The following SMOC1 variants were observed in gnomAD, a reference collection of about 807,000 sequenced individuals.
SMOC1 encodes SPARC related modular calcium binding 1.
Under a neutral mutation model 56.3 loss-of-function variants are expected in SMOC1, and 22 were observed. The ratio of observed to expected loss-of-function variants is 0.39; its 90% CI spans 0.28 to 0.56. The LOEUF (loss-of-function observed/expected upper bound fraction) is 0.56. Among genes scored for constraint, SMOC1 ranks in the 20% least tolerant of loss-of-function variants. The pLI, the probability that SMOC1 is intolerant of heterozygous loss-of-function variation, is 0.61. For missense variants in SMOC1, 509 were observed against 565.4 expected, an observed-to-expected ratio of 0.90 and a Z score of 1.01; for synonymous variants, 193 against 215.0, an observed-to-expected ratio of 0.90 and a Z score of 0.89.
chr14:69,945,344 A>T (rs1882741800), intron 1 of SMOC1, among the ~76,000 whole-genome samples: 1 of 152,198 alleles, frequency 6.6e-6, no homozygotes, highest in African/African-American at 2.4e-5. Context: ...GCTTTTTAGG[A>T]TGATAACCTC....
At chr14:69,949,826 G>A (rs1457085699) in intron 1 of SMOC1, among the ~76,000 whole-genome samples, 7 of 152,154 alleles carry the variant, frequency 4.6e-5, no homozygotes, top group Admixed American at 2.0e-4. Flanking sequence ...CCGGGGAGAC[G>A]ATGTAAGGGT....
At chr14:69,988,382 G>A (rs1046629422) in intron 5 of SMOC1, among the ~76,000 whole-genome samples, 4 of 151,420 alleles carry the variant, frequency 2.6e-5, no homozygotes, top group African/African-American at 7.3e-5. Context: ...AAAGAATCAC[G>A]AAGAATATAC....
At chr14:69,978,137 C>T (rs1236005088) in intron 5 of SMOC1, 172 bp downstream of exon 5, 9 of 684,386 alleles carry the variant, frequency 1.3e-5, no homozygotes, top group Non-Finnish European at 2.1e-5. Flanking sequence ...AAGTAAGGCT[C>T]ATACAGTGAT....
intron 1 of SMOC1, among the ~76,000 whole-genome samples, chr14:69,902,056 A>G (rs1884255623): frequency 6.6e-6 from 1 of 152,180 alleles, no homozygotes; most frequent in Non-Finnish European, 1.5e-5. Flanking sequence ...TGATCAGTGT[A>G]TGCCCTCCTC....
intron 1 of SMOC1, among the ~76,000 whole-genome samples, chr14:69,899,747 A>G (rs1884193241): frequency 6.6e-6 from 1 of 152,180 alleles, no homozygotes; most frequent in Non-Finnish European, 1.5e-5. Context: ...GTGCCCTTGC[A>G]GTTTTTGACC....
chr14:69,959,445 T>TTA (rs1883294985), intron 3 of SMOC1, among the ~76,000 whole-genome samples: 1 of 152,230 alleles, frequency 6.6e-6, no homozygotes, highest in Non-Finnish European at 1.5e-5. Context: ...TGTAGACAGA[T>TTA]TATAGTTCTA....
At chr14:69,916,951 A>G (rs1884701895) in intron 1 of SMOC1, among the ~76,000 whole-genome samples, 1 of 152,236 alleles carries the variant, frequency 6.6e-6, no homozygotes, top group African/African-American at 2.4e-5. Flanking sequence ...ACATGCTGGA[A>G]GCATGCTGAG....
At position 69,954,039 on chromosome 14, in the gene SMOC1, G is replaced by T. The variant is rs1490242507; in HGVS notation, c.378+507G>T. On this transcript the variant is annotated intron_variant, in intron 3 of 11. Coordinates refer to ENST00000361956, the MANE Select transcript of SMOC1 (RefSeq NM_001034852.3). ...TGTGTGTGTGTGTATACACATACAG[G>T]TATGCATATACTCAGATTTTAAAAC... 5.3e-5 allele frequency among the ~76,000 whole-genome samples: 8 copies of T among 151,816 alleles called. No individual in the cohort carries two copies. The South Asian group carries it at 1.7e-3, about 31-fold the overall frequency.
intron 1 of SMOC1, among the ~76,000 whole-genome samples, chr14:69,894,371 A>G (rs531378943): frequency 1.1e-4 from 17 of 152,330 alleles, no homozygotes; most frequent in Admixed American, 7.8e-4. Flanking sequence ...CTTCATTCCT[A>G]GATGGTCTCA....
intron 1 of SMOC1, among the ~76,000 whole-genome samples, chr14:69,930,617 C>G (rs552717962): frequency 4.1e-4 from 63 of 152,180 alleles, no homozygotes; most frequent in African/African-American, 1.4e-3. Context: ...AGGAAGGGCC[C>G]CTGGGTATGC....
chr14:69,961,456 C>G (rs550026275), intron 3 of SMOC1, among the ~76,000 whole-genome samples: 1 of 151,936 alleles, frequency 6.6e-6, no homozygotes, highest in Non-Finnish European at 1.5e-5. Flanking sequence ...TCTGGACTCA[C>G]TACAACCTCC....
Position 69,879,613 on chromosome 14 carries a change from C to T in SMOC1, c.-66C>T. 8.0e-7 allele frequency: 1 copy of T among 1,255,834 alleles called. No homozygotes were observed. The highest frequency in any genetic ancestry group is 2.9e-4 in the Middle Eastern group (1 of 3,494). 77.8% of individuals were successfully genotyped at this position (1,255,834 alleles called of 1,614,324 possible). On this transcript the variant is annotated 5_prime_UTR_variant, in exon 1 of 12. Coordinates refer to ENST00000361956, the MANE Select transcript of SMOC1 (RefSeq NM_001034852.3). Reference sequence around the variant, plus strand: ...CCCCGAGCGAAGGAAGGAAGGGAGGCGCGCTGTGCGCCCCGCGGAGCCCGC... The same window carrying T: ...CCCCGAGCGAAGGAAGGAAGGGAGGTGCGCTGTGCGCCCCGCGGAGCCCGC...
chr14:69,880,080 G>A (rs967631852), intron 1 of SMOC1, among the ~76,000 whole-genome samples: 2 of 151,886 alleles, frequency 1.3e-5, no homozygotes, highest in African/African-American at 4.8e-5. Flanking sequence ...GGTGCCTCCT[G>A]CGTCGGAGAG....
intron 7 of SMOC1, among the ~76,000 whole-genome samples, chr14:70,008,237 C>T (rs1486020853): frequency 6.6e-6 from 1 of 152,058 alleles, no homozygotes; most frequent in African/African-American, 2.4e-5. Flanking sequence ...TCAGGTGGCC[C>T]TCTCACCTCA....
At chr14:69,930,178 C>T (rs894881522) in intron 1 of SMOC1, among the ~76,000 whole-genome samples, 6 of 151,916 alleles carry the variant, frequency 3.9e-5, no homozygotes, top group Non-Finnish European at 2.9e-5. Flanking sequence ...CCCCTGACAG[C>T]ACCCTTCCCA....
chr14:69,948,055 C>T lies in SMOC1; in HGVS notation c.100-4083C>T, dbSNP rs145054715. ...TTACATGTTGCTTCCTATGCTGGTA[C>T]GGTGTTGGGTTCACTGTTGGTGATC... is the stretch of plus-strand genomic sequence containing the variant. On this transcript the variant is annotated intron_variant, in intron 1 of 11. Coordinates refer to ENST00000361956, the MANE Select transcript of SMOC1 (RefSeq NM_001034852.3). 1.1e-4 allele frequency among the ~76,000 whole-genome samples: 16 copies of T among 152,264 alleles called. No individual in the cohort carries two copies. In the East Asian group the frequency reaches 2.3e-3, roughly 22 times the overall value.
chr14:69,883,999 C>CG (rs1883724104), intron 1 of SMOC1, among the ~76,000 whole-genome samples: 1 of 147,942 alleles, frequency 6.8e-6, no homozygotes, highest in African/African-American at 2.5e-5. Flanking sequence ...CTCCGCTTCC[C>CG]GGGTTCACGC....
intron 3 of SMOC1, among the ~76,000 whole-genome samples, chr14:69,974,355 G>A (rs1883881958): frequency 6.6e-6 from 1 of 152,134 alleles, no homozygotes. Flanking sequence ...GATTAGGAGT[G>A]GATGGGAGAT....
intron 1 of SMOC1, among the ~76,000 whole-genome samples, chr14:69,935,704 T>C (rs1885278286): frequency 6.6e-6 from 1 of 152,136 alleles, no homozygotes; most frequent in Non-Finnish European, 1.5e-5. Context: ...CTTTGGTGTA[T>C]CCCCACTCTG....
Sources: gnomAD v4.1 joint callset for allele counts (sites outside exome capture counted in the v4.1 genomes callset) on GRCh38, gnomAD v4.1.1 for gene constraint, MANE v1.5 for transcripts, NCBI Gene and HGNC (gene_info 2026-07-23, HGNC 2026-07-21) for gene names.